Variants in ANAPC2 observed in about 807,000 individuals in gnomAD.
The protein encoded by ANAPC2 is anaphase promoting complex subunit 2.
In ANAPC2, 29 loss-of-function variants were observed where a neutral mutation model predicts 84.3. That is an observed-to-expected ratio of 0.34 (90% CI 0.26 to 0.47). The LOEUF is 0.47. Among genes scored for constraint, ANAPC2 ranks in the 20% least tolerant of loss-of-function variants. The pLI is 1.00. For missense variants in ANAPC2, 857 were observed against 1,131.7 expected (o/e 0.76, Z 3.48); for synonymous variants, 571 against 479.4 (o/e 1.19, Z -2.50).
chr9:137,178,859 C>T (rs1170808621), intron 10 of ANAPC2, among the ~76,000 whole-genome samples: 2 of 152,220 alleles, frequency 1.3e-5, no homozygotes, highest in African/African-American at 4.8e-5. Flanking sequence ...GGGGCCTCCG[C>T]CTGGCCCTCC....
intron 5 of ANAPC2, 89 bp downstream of exon 5, chr9:137,183,581 GCT>G: frequency 6.6e-7 from 1 of 1,516,872 alleles, no homozygotes; most frequent in Non-Finnish European, 8.8e-7. Context: ...CAAGTCCAGG[GCT>G]GGCAGACTAG....
rs780754538 is a variant in ANAPC2, at chr9:137,175,249, C to T, written c.2244G>A (p.Glu748=). 1.7e-5 allele frequency: 28 copies of T among 1,612,202 alleles called. No homozygotes were observed. The highest frequency in any genetic ancestry group is 2.2e-5 in the Non-Finnish European group (26 of 1,179,744). The change falls in exon 12 of 13, where the codon GAG becomes GAA. Residue 748 remains glutamate, a synonymous_variant. Transcript: ENST00000323927. ...CCTGCACGCGCACCAGCAGCTCCTC[C>T]TCCTTCTGGTCGGCCTGGGAGGCCA... is the stretch of plus-strand genomic sequence containing the variant. ...SGMASQADQK[E]EELLLFWTYI... is the part of the protein sequence containing the mutation.
At chr9:137,182,321 G>A (rs1261074676) in intron 6 of ANAPC2, among the ~76,000 whole-genome samples, 1 of 152,214 alleles carries the variant, frequency 6.6e-6, no homozygotes, top group Non-Finnish European at 1.5e-5. Context: ...GACTATCCTG[G>A]CTAACATGGT....
In ANAPC2 at chr9:137,186,375, C is replaced by G. The variant is rs377729123; in HGVS notation, c.741-19G>C. 4.4e-6 allele frequency: 7 copies of G among 1,583,544 alleles called. No individual in the cohort carries two copies. Among genetic ancestry groups the G allele is most frequent in the Non-Finnish European group, 6.0e-6 (7 of 1,166,642 alleles). On this transcript the variant is annotated intron_variant, in intron 2 of 12. Coordinates refer to ENST00000323927, the MANE Select transcript of ANAPC2 (RefSeq NM_013366.4). ...CCTGTGTCTAGAGGAGAGCCCTGGC[C>G]ATGGGGCACCCAGAGCACACACCGG... is the stretch of plus-strand genomic sequence containing the variant.
At position 137,180,329 on chromosome 9, in the gene ANAPC2, C is replaced by T. The variant is rs924346037; in HGVS notation, c.1742G>A (p.Arg581Gln). The T allele has an allele frequency of 3.1e-6, 5 of 1,613,118 alleles. No individual in the cohort carries two copies. Among genetic ancestry groups the T allele is most frequent in the Non-Finnish European group, 4.2e-6 (5 of 1,179,996 alleles). Residue 581 changes from arginine to glutamine, a missense_variant, in exon 10 of 13, where the codon CGG becomes CAG. Arg to Gln is a conservative substitution (Grantham distance 43, BLOSUM62 1). Transcript: ENST00000323927. ...GAACGGTGGCTGCTCCTCTGCTGGCCGCTTCTCATCCTCCTCCCGGATGTT... is the reference window on the plus strand; with the variant it reads ...GAACGGTGGCTGCTCCTCTGCTGGCTGCTTCTCATCCTCCTCCCGGATGTT... ...NANIREEDEKRPAEEQPPFGV... is the reference protein window; with the variant it reads ...NANIREEDEKQPAEEQPPFGV...
Position 137,187,738 on chromosome 9 carries a change from C to T in ANAPC2, c.483G>A (p.Leu161=). ...GGAAGGTTCTGGGGGTGCTAAAGAACAAGACTCCGCGCAACATAGTGTGGA... is the reference window on the plus strand; with the variant it reads ...GGAAGGTTCTGGGGGTGCTAAAGAATAAGACTCCGCGCAACATAGTGTGGA... ...EEVHTMLRGV[L]FFSTPRTFQE... Residue 161 remains leucine, a synonymous_variant, in exon 2 of 13, where the codon TTG becomes TTA. Transcript: ENST00000323927. The T allele has an allele frequency of 1.2e-6, 2 of 1,613,852 alleles. No homozygotes were observed. Among genetic ancestry groups the T allele is most frequent in the Non-Finnish European group, 8.5e-7 (1 of 1,180,038 alleles).
At position 137,174,860 on chromosome 9, in the gene ANAPC2, C is replaced by T. The variant is rs1019446700; in HGVS notation, c.*82G>A. 41 of 1,157,918 alleles carry T rather than the reference C, an allele frequency of 3.5e-5. No individual in the cohort carries two copies. The highest frequency in any genetic ancestry group is 5.8e-5 in the East Asian group (2 of 34,416). The allele number at this position is 1,157,918 out of a possible 1,614,324, so 71.7% of individuals were successfully genotyped here. A position where few individuals can be genotyped will look rare whatever the true frequency, so the allele number is the denominator to read the frequency against. On this transcript the variant is annotated 3_prime_UTR_variant, in exon 13 of 13. Coordinates refer to ENST00000323927, the MANE Select transcript of ANAPC2 (RefSeq NM_013366.4). The surrounding 1 kb of genome is among the most constrained non-coding windows in gnomAD (Gnocchi z 6.1). ...CTCCTCAGCAGTGCATTCTGGGACA[C>T]GGGCGGGCGGGGGCTGGCACGGGAG...
chr9:137,179,387 C>T (rs1428253060), intron 10 of ANAPC2, among the ~76,000 whole-genome samples: 1 of 152,124 alleles, frequency 6.6e-6, no homozygotes. Context: ...CCATCCTAAC[C>T]CTTCCTCCCC....
At chr9:137,187,176 A>G (rs1031283502) in intron 2 of ANAPC2, 1 of 388,228 alleles carries the variant, frequency 2.6e-6, no homozygotes, top group African/African-American at 2.0e-5. Flanking sequence ...AGGATCGACA[A>G]AAGGCACAGT....
chr9:137,181,015 G>A, intron 7 of ANAPC2, 86 bp from the exon 8 acceptor site: 2 of 1,532,828 alleles, frequency 1.3e-6, no homozygotes, highest in Non-Finnish European at 8.8e-7. Context: ...CAGCCAGACG[G>A]CACAGCCCAG....
chr9:137,184,836 C>T (rs1199303179), intron 4 of ANAPC2, 77 bp downstream of exon 4: 1 of 1,555,308 alleles, frequency 6.4e-7, no homozygotes, highest in Admixed American at 2.1e-5. Context: ...CAGATGCAGA[C>T]ACAGAGGAGA....
chr9:137,184,741 G>C (rs1180717074), intron 4 of ANAPC2, among the ~76,000 whole-genome samples, 172 bp downstream of exon 4: 1 of 146,080 alleles, frequency 6.8e-6, no homozygotes, highest in Non-Finnish European at 1.5e-5. Flanking sequence ...AGGGAGCCCA[G>C]ACGCAGACAC....
chr9:137,185,853 A>G (rs1834454113), intron 3 of ANAPC2, among the ~76,000 whole-genome samples: 1 of 152,132 alleles, frequency 6.6e-6, no homozygotes, highest in Non-Finnish European at 1.5e-5. Flanking sequence ...TCAGTCCATT[A>G]GGGACCGGCC....
chr9:137,181,625 G>T, intron 7 of ANAPC2, 56 bp downstream of exon 7: 9 of 1,501,234 alleles, frequency 6.0e-6, no homozygotes, highest in Non-Finnish European at 8.0e-6. Flanking sequence ...CAGAGCGGAC[G>T]GCCTGGCTGA....
rs977850174 is a variant in ANAPC2, at chr9:137,183,535, C to T, written c.1168+137G>A. The T allele has an allele frequency of 6.7e-6, 9 of 1,336,870 alleles. No individual in the cohort carries two copies. In the Admixed American group the frequency reaches 1.4e-4, roughly 20 times the overall value. The allele number at this position is 1,336,870 out of a possible 1,614,324, so 82.8% of individuals were successfully genotyped here. On this transcript the variant is annotated intron_variant, in intron 5 of 12. Transcript: ENST00000323927. ...CACCTCAGATCCCCTAAGGACCTCA[C>T]CAATTGCTTCTCAACCCATTTCTTC...
Position 137,188,557 on chromosome 9 carries a change from G to T in ANAPC2, c.-25C>A, listed in dbSNP as rs368162981. 5.1e-5 allele frequency: 81 copies of T among 1,593,386 alleles called. No individual in the cohort carries two copies. The African/African-American group carries it at 7.7e-4, about 15-fold the overall frequency. On this transcript the variant is annotated 5_prime_UTR_variant, in exon 1 of 13. Coordinates refer to ENST00000323927, the MANE Select transcript of ANAPC2 (RefSeq NM_013366.4). ...TCTGCACCCACCGACTCCGAGATTC[G>T]CTCGGCGCGGCGCGCGGCGATGACG...
At chr9:137,182,518 AG>A (rs1366821431) in intron 6 of ANAPC2, among the ~76,000 whole-genome samples, 5 of 152,012 alleles carry the variant, frequency 3.3e-5, no homozygotes, top group Admixed American at 2.6e-4. Flanking sequence ...CAAAAAAAAA[AG>A]AAAAAACAAA....
chr9:137,181,231 C>T (rs1834334639), intron 7 of ANAPC2, among the ~76,000 whole-genome samples: 1 of 152,238 alleles, frequency 6.6e-6, no homozygotes, highest in African/African-American at 2.4e-5. Flanking sequence ...GAAGACTTAC[C>T]ATCTGTGCCA....
Position 137,174,808 on chromosome 9 carries a change from C to T in ANAPC2, c.*134G>A. 7.0e-7 allele frequency: 1 copy of T among 1,434,292 alleles called. No homozygotes were observed. The highest frequency in any genetic ancestry group is 9.1e-7 in the Non-Finnish European group (1 of 1,097,528). The allele number at this position is 1,434,292 out of a possible 1,614,324, so 88.8% of individuals were successfully genotyped here. A position where few individuals can be genotyped will look rare whatever the true frequency, so the allele number is the denominator to read the frequency against. Reference sequence around the variant, plus strand: ...GGATGATCTGACTTGCTTTAATCTGCACACTGCGGGGGTGGGGGTGGGCAT... The same window carrying T: ...GGATGATCTGACTTGCTTTAATCTGTACACTGCGGGGGTGGGGGTGGGCAT... On this transcript the variant is annotated 3_prime_UTR_variant, in exon 13 of 13. Transcript: ENST00000323927. The surrounding 1 kb of genome is among the most constrained non-coding windows in gnomAD (Gnocchi z 6.1).
Sources: allele counts gnomAD v4.1 joint callset (sites outside exome capture counted in the v4.1 genomes callset), GRCh38; gene constraint gnomAD v4.1.1; non-coding constraint Gnocchi (gnomAD v3.1); transcripts MANE v1.5; gene names NCBI Gene and HGNC (gene_info 2026-07-23, HGNC 2026-07-21).